The following NCKAP5 variants were observed in gnomAD, a reference collection of about 807,000 sequenced individuals.
NCKAP5 encodes nck-associated protein 5.
A neutral mutation model predicts 167.0 loss-of-function variants in NCKAP5; 92 were observed. That is an observed-to-expected ratio of 0.55 (90% CI 0.47 to 0.66). The LOEUF (loss-of-function observed/expected upper bound fraction) is 0.66, where lower values mean the gene tolerates loss of function less well. NCKAP5 is among the 30% of genes least tolerant of loss of function. NCKAP5 has a pLI of 0.00. For synonymous variants in NCKAP5, 891 were observed against 877.4 expected (o/e 1.02, Z -0.27); for missense variants, 2,378 against 2,315.0 (o/e 1.03, Z -0.56).
At chr2:133,230,887 T>C (rs1408154862) in intron 4 of NCKAP5, among the ~76,000 whole-genome samples, 1 of 152,152 alleles carries the variant, frequency 6.6e-6, no homozygotes, top group Non-Finnish European at 1.5e-5. Context: ...GTTTCTTGAG[T>C]TTTTACAGGC....
chr2:132,952,120 G>GA (rs1362465910), intron 8 of NCKAP5, among the ~76,000 whole-genome samples: 1 of 151,716 alleles, frequency 6.6e-6, no homozygotes, highest in African/African-American at 2.4e-5. Flanking sequence ...TATGCTCTGT[G>GA]AAAAAAAACA....
chr2:133,469,165 T>C (rs1042224657), intron 3 of NCKAP5, among the ~76,000 whole-genome samples: 5 of 152,182 alleles, frequency 3.3e-5, no homozygotes, highest in African/African-American at 1.2e-4. Context: ...TTCCTTTCCA[T>C]ATTTAGCGCT....
At chr2:132,925,675 G>A (rs919676986) in intron 8 of NCKAP5, among the ~76,000 whole-genome samples, 3 of 152,158 alleles carry the variant, frequency 2.0e-5, no homozygotes, top group African/African-American at 7.2e-5. Context: ...CTCCTGCTGT[G>A]CAGCCTGGTT....
chr2:133,605,536 C>CTGCTA, the NCKAP5 span, among the ~76,000 whole-genome samples: 1 of 152,194 alleles, frequency 6.6e-6, no homozygotes, highest in Non-Finnish European at 1.5e-5. Flanking sequence ...ATTGATGCAT[C>CTGCTA]TGCTAACTTG....
chr2:133,400,724 T>G (rs1403957787), intron 3 of NCKAP5, among the ~76,000 whole-genome samples: 1 of 152,236 alleles, frequency 6.6e-6, no homozygotes, highest in East Asian at 1.9e-4. Flanking sequence ...AGAGCAGCTC[T>G]GGGAAACTAA....
At chr2:133,650,175 T>C in the NCKAP5 span, among the ~76,000 whole-genome samples, 1 of 152,136 alleles carries the variant, frequency 6.6e-6, no homozygotes, top group East Asian at 1.9e-4. Context: ...AAGAATTTTG[T>C]ACATAAAATT....
the NCKAP5 span, among the ~76,000 whole-genome samples, chr2:133,616,594 T>C: frequency 1.3e-5 from 2 of 152,038 alleles, no homozygotes; most frequent in Non-Finnish European, 2.9e-5. Flanking sequence ...CTCCCAAGAC[T>C]AAACCAGGAA....
intron 11 of NCKAP5, among the ~76,000 whole-genome samples, chr2:132,814,309 A>AT (rs969675747): frequency 3.9e-5 from 6 of 152,206 alleles, no homozygotes; most frequent in African/African-American, 1.2e-4. Flanking sequence ...GCCTCATGGT[A>AT]TTATAAACAA....
intron 8 of NCKAP5, among the ~76,000 whole-genome samples, chr2:132,962,347 G>A (rs906688703): frequency 2.0e-5 from 3 of 151,912 alleles, no homozygotes; most frequent in Non-Finnish European, 4.4e-5. Context: ...GCTTTCAGCT[G>A]AGGGAACAGA....
At chr2:132,911,116 G>A (rs1034567397) in intron 8 of NCKAP5, 1 of 217,384 alleles carries the variant, frequency 4.6e-6, no homozygotes, top group Admixed American at 4.2e-5. Context: ...GTGACTGGAT[G>A]TTTTTCCTTC....
intron 11 of NCKAP5, among the ~76,000 whole-genome samples, chr2:132,859,601 C>T (rs1156483882): frequency 6.6e-6 from 1 of 152,180 alleles, no homozygotes; most frequent in African/African-American, 2.4e-5. Flanking sequence ...TGGACAGTAT[C>T]ATCCAGATGA....
intron 2 of NCKAP5, among the ~76,000 whole-genome samples, chr2:133,520,598 T>C (rs538004440): frequency 3.5e-4 from 53 of 152,296 alleles, no homozygotes; most frequent in Non-Finnish European, 6.3e-4. Flanking sequence ...CAAATATGAT[T>C]AAACTCATTA....
intron 3 of NCKAP5, among the ~76,000 whole-genome samples, chr2:133,345,811 A>T (rs1047198686): frequency 6.6e-6 from 1 of 151,794 alleles, no homozygotes; most frequent in Non-Finnish European, 1.5e-5. Context: ...CTGGGGATAA[A>T]GGAAGTGCAG....
At chr2:133,274,967 A>T (rs939614643) in intron 4 of NCKAP5, among the ~76,000 whole-genome samples, 2 of 151,964 alleles carry the variant, frequency 1.3e-5, no homozygotes, top group Admixed American at 6.6e-5. Flanking sequence ...TGTAAAAAAA[A>T]AACCATAAAC....
At chr2:133,334,454 T>C (rs1412422381) in intron 3 of NCKAP5, among the ~76,000 whole-genome samples, 2 of 152,102 alleles carry the variant, frequency 1.3e-5, no homozygotes, top group African/African-American at 4.8e-5. Flanking sequence ...CAAATAGATA[T>C]TATCACCCAG....
intron 3 of NCKAP5, among the ~76,000 whole-genome samples, chr2:133,337,780 C>A (rs545943415): frequency 1.3e-5 from 2 of 152,288 alleles, no homozygotes; most frequent in South Asian, 4.1e-4. Flanking sequence ...AATTTCTATT[C>A]TTTAAGCCAC....
At chr2:133,440,615 C>T (rs192580758) in intron 3 of NCKAP5, among the ~76,000 whole-genome samples, 1 of 140,764 alleles carries the variant, frequency 7.1e-6, no homozygotes, top group Non-Finnish European at 1.5e-5. Context: ...GAGGCTGAGG[C>T]AGGGGAATGG....
intron 4 of NCKAP5, among the ~76,000 whole-genome samples, chr2:133,243,557 C>A (rs1490866768): frequency 1.3e-5 from 2 of 152,164 alleles, no homozygotes. Flanking sequence ...TAAAATAAAA[C>A]CATTTCTTAC....
intron 5 of NCKAP5, among the ~76,000 whole-genome samples, chr2:133,199,524 T>C (rs564877241): frequency 1.3e-5 from 2 of 152,144 alleles, no homozygotes; most frequent in South Asian, 4.1e-4. Flanking sequence ...GCCTGAGATA[T>C]AAATACATAT....
Sources: gnomAD v4.1 joint callset for allele counts (sites outside exome capture counted in the v4.1 genomes callset) on GRCh38, gnomAD v4.1.1 for gene constraint, MANE v1.5 for transcripts, NCBI Gene and HGNC (gene_info 2026-07-23, HGNC 2026-07-21) for gene names.